The following GRIN2A variants were observed in gnomAD, a reference collection of about 807,000 sequenced individuals.
GRIN2A encodes glutamate ionotropic receptor NMDA type subunit 2A, also known as glutamate receptor ionotropic, NMDA 2A.
In GRIN2A, 22 loss-of-function variants were observed where a neutral mutation model predicts 113.4. That is an observed-to-expected ratio of 0.19 (90% CI 0.14 to 0.28). The LOEUF is 0.28. Among genes scored for constraint, GRIN2A ranks in the 10% least tolerant of loss-of-function variants. The pLI, the probability that GRIN2A is intolerant of heterozygous loss-of-function variation, is 1.00. For synonymous variants in GRIN2A, 827 were observed against 738.4 expected (o/e 1.12, Z -1.94); for missense variants, 1,502 against 1,887.0 (o/e 0.80, Z 3.78).
At chr16:9,853,926 T>G (rs573454745) in intron 4 of GRIN2A, among the ~76,000 whole-genome samples, 1 of 152,336 alleles carries the variant, frequency 6.6e-6, no homozygotes, top group East Asian at 1.9e-4. Flanking sequence ...GATTTAAATA[T>G]CTAAACATCA....
At chr16:9,791,793 C>T (rs1405951663) in intron 11 of GRIN2A, among the ~76,000 whole-genome samples, 1 of 151,902 alleles carries the variant, frequency 6.6e-6, no homozygotes, top group Non-Finnish European at 1.5e-5. Flanking sequence ...GTGGAAGATA[C>T]AAGGCCAACA....
At chr16:9,771,199 CTTTT>C (rs60641368) in intron 11 of GRIN2A, among the ~76,000 whole-genome samples, 1 of 137,908 alleles carries the variant, frequency 7.3e-6, no homozygotes, top group Non-Finnish European at 1.6e-5. Context: ...ATAGTCCCAT[CTTTT>C]TTTTTTTTTT....
intron 1 of GRIN2A, among the ~76,000 whole-genome samples, chr16:10,181,347 G>T (rs1264878080): frequency 6.6e-6 from 1 of 152,212 alleles, no homozygotes; most frequent in Non-Finnish European, 1.5e-5. Context: ...GGAAAGGTAG[G>T]CTCCCAAGAA....
chr16:10,048,374 C>G (rs2047295250), intron 2 of GRIN2A, among the ~76,000 whole-genome samples: 1 of 152,292 alleles, frequency 6.6e-6, no homozygotes, highest in Admixed American at 6.5e-5. Flanking sequence ...CTTGGGAGAA[C>G]TGCCTACTAC....
intron 11 of GRIN2A, among the ~76,000 whole-genome samples, chr16:9,782,538 A>T (rs1212008357): frequency 6.6e-6 from 1 of 152,230 alleles, no homozygotes; most frequent in African/African-American, 2.4e-5. Context: ...CCTATGTGAC[A>T]TCAATGTTTG....
chr16:10,113,035 C>T, intron 2 of GRIN2A: 1 of 275,570 alleles, frequency 3.6e-6, no homozygotes, highest in Non-Finnish European at 7.1e-6. Context: ...CCTGAAGGCT[C>T]TGCAGCCCCT....
At position 10,112,235 on chromosome 16, in the gene GRIN2A, G is replaced by A. The variant is rs1017663063; in HGVS notation, c.414+67763C>T. ...GGAACTCGGTGTATCAAATCACCATGGTGCATTACATCAAACAGAAGTACC... is the reference window on the plus strand; with the variant it reads ...GGAACTCGGTGTATCAAATCACCATAGTGCATTACATCAAACAGAAGTACC... On this transcript the variant is annotated intron_variant, in intron 2 of 12. Transcript: ENST00000330684. 4.9e-6 allele frequency: 3 copies of A among 615,422 alleles called. No homozygotes were observed. The South Asian group carries it at 5.0e-5, about 10-fold the overall frequency. 38.1% of individuals were successfully genotyped at this position (615,422 alleles called of 1,614,324 possible). A position where few individuals can be genotyped will look rare whatever the true frequency, so the allele number is the denominator to read the frequency against.
At chr16:10,158,660 T>C (rs1022055331) in intron 2 of GRIN2A, among the ~76,000 whole-genome samples, 9 of 152,198 alleles carry the variant, frequency 5.9e-5, no homozygotes, top group Non-Finnish European at 2.9e-5. Flanking sequence ...AAGTGAAAGA[T>C]GCCAGATGCA....
At chr16:9,997,119 C>T (rs1433025325) in intron 2 of GRIN2A, among the ~76,000 whole-genome samples, 3 of 152,144 alleles carry the variant, frequency 2.0e-5, no homozygotes, top group African/African-American at 4.8e-5. Flanking sequence ...CCTCCAAAAT[C>T]GAAACACTGA....
intron 9 of GRIN2A, among the ~76,000 whole-genome samples, chr16:9,825,290 T>G (rs1004028356): frequency 6.6e-6 from 1 of 152,238 alleles, no homozygotes; most frequent in Non-Finnish European, 1.5e-5. Context: ...AATCTTATAG[T>G]GTTTGAAAGA....
intron 2 of GRIN2A, among the ~76,000 whole-genome samples, chr16:10,029,337 G>A (rs2046885844): frequency 6.6e-6 from 1 of 152,058 alleles, no homozygotes; most frequent in South Asian, 2.1e-4. Flanking sequence ...TGGAATTACA[G>A]GCATGCACCA....
chr16:9,769,267 A>G (rs2141151888), intron 11 of GRIN2A, 178 bp from the exon 12 acceptor site: 1 of 587,744 alleles, frequency 1.7e-6, no homozygotes, highest in East Asian at 3.0e-5. Context: ...ATGATTACAT[A>G]GCCTACCTAA....
chr16:10,149,990 T>C (rs537466216), intron 2 of GRIN2A, among the ~76,000 whole-genome samples: 6 of 152,186 alleles, frequency 3.9e-5, no homozygotes, highest in Non-Finnish European at 7.3e-5. Context: ...AAAGAAAATT[T>C]ATGGACAGAG....
chr16:9,865,683 A>T (rs920226004), intron 4 of GRIN2A, among the ~76,000 whole-genome samples: 1 of 152,152 alleles, frequency 6.6e-6, no homozygotes, highest in Non-Finnish European at 1.5e-5. Context: ...CATCTTGCTC[A>T]TTCATTCATG....
chr16:9,990,545 A>ACGCGCG (rs869036966), intron 2 of GRIN2A, among the ~76,000 whole-genome samples: 1 of 130,424 alleles, frequency 7.7e-6, no homozygotes, highest in Admixed American at 7.7e-5. Flanking sequence ...CTCTCTCTAC[A>ACGCGCG]CGCGCGCGCG....
intron 2 of GRIN2A, among the ~76,000 whole-genome samples, chr16:10,072,946 CT>C (rs34432023): frequency 3.0e-3 from 311 of 104,218 alleles, no homozygotes; most frequent in African/African-American, 6.4e-3. Context: ...ACAAGACCCC[CT>C]TTTTTTTTTT....
chr16:10,128,264 T>A (rs2048987516), intron 2 of GRIN2A, among the ~76,000 whole-genome samples: 1 of 152,156 alleles, frequency 6.6e-6, no homozygotes, highest in African/African-American at 2.4e-5. Flanking sequence ...TAGCCGTGGG[T>A]GCAACAGCTT....
chr16:10,146,816 G>A (rs1185968821), intron 2 of GRIN2A, among the ~76,000 whole-genome samples: 1 of 151,876 alleles, frequency 6.6e-6, no homozygotes, highest in Non-Finnish European at 1.5e-5. Flanking sequence ...TGCTTTTGGA[G>A]AAACTACATA....
intron 11 of GRIN2A, among the ~76,000 whole-genome samples, chr16:9,791,371 G>T (rs1370620662): frequency 6.6e-6 from 1 of 152,168 alleles, no homozygotes; most frequent in Admixed American, 6.5e-5. Context: ...ATTTCAAATG[G>T]TGAAATTCTG....
Sources: gnomAD v4.1 joint callset for allele counts (sites outside exome capture counted in the v4.1 genomes callset) on GRCh38, gnomAD v4.1.1 for gene constraint, MANE v1.5 for transcripts, NCBI Gene and HGNC (gene_info 2026-07-23, HGNC 2026-07-21) for gene names.